PIGN: variants seen among roughly 807,000 people sequenced by gnomAD.
PIGN encodes GPI ethanolamine phosphate transferase 1.
PIGN carries 117 observed loss-of-function variants against 125.4 expected under a neutral mutation model. The ratio of observed to expected loss-of-function variants is 0.93; its 90% CI spans 0.80 to 1.09. The LOEUF is 1.09. PIGN is among the 50% of genes least tolerant of loss of function. PIGN has a pLI of 0.00. For missense variants in PIGN, 1,075 were observed against 1,094.9 expected (o/e 0.98, Z 0.26); for synonymous variants, 392 against 377.8 (o/e 1.04, Z -0.44).
rs540648761 is a variant in PIGN at position 62,175,647 on chromosome 18, C to T, written c.-236+11197G>A. On this transcript the variant is annotated intron_variant, in intron 1 of 30. Coordinates refer to ENST00000640252, the MANE Select transcript of PIGN (RefSeq NM_176787.5). ...GATTACAGGTGTAAGCCACCACACC[C>T]GGCCAAATGCATGTTTCTAATATGT... 3.3e-5 allele frequency among the ~76,000 whole-genome samples: 5 copies of T among 152,214 alleles called. No homozygotes were observed. In the East Asian group the frequency reaches 9.7e-4, roughly 29 times the overall value.
chr18:62,152,865 TA>T (rs201490014), intron 7 of PIGN, among the ~76,000 whole-genome samples: 13,313 of 70,634 alleles, frequency 0.19, 883 homozygotes, highest in East Asian at 0.37. Context: ...TATATATATA[TA>T]TATTTTTTTT....
At chr18:62,137,231 T>A (rs539154075) in intron 14 of PIGN, 83 of 402,806 alleles carry the variant, frequency 2.1e-4, no homozygotes, top group Non-Finnish European at 3.2e-4. Context: ...ATTCTTCAGC[T>A]TTTAGACTCT....
At chr18:62,184,166 T>G (rs1430721033) in intron 1 of PIGN, among the ~76,000 whole-genome samples, 1 of 152,190 alleles carries the variant, frequency 6.6e-6, no homozygotes, top group East Asian at 1.9e-4. Flanking sequence ...TACTAAAACC[T>G]CAAGTCAACC....
intron 25 of PIGN, among the ~76,000 whole-genome samples, chr18:62,086,678 T>C (rs2033723605): frequency 6.6e-6 from 1 of 150,516 alleles, no homozygotes; most frequent in South Asian, 2.1e-4. Flanking sequence ...GAGTAGCAAA[T>C]CTTTTAGGCT....
chr18:62,122,581 C>T (rs1005562955), intron 14 of PIGN, among the ~76,000 whole-genome samples: 1 of 151,888 alleles, frequency 6.6e-6, no homozygotes, highest in African/African-American at 2.4e-5. Context: ...ATTAACTTTC[C>T]CTAAGGAAAG....
At chr18:62,113,578 T>C (rs9959082) in intron 15 of PIGN, among the ~76,000 whole-genome samples, 1,523 of 152,250 alleles carry the variant, frequency 0.01, 20 homozygotes, top group East Asian at 0.049. Context: ...TATATGTGTG[T>C]TTGTGGAAAT....
At chr18:62,110,439 T>C (rs967523696) in intron 16 of PIGN, among the ~76,000 whole-genome samples, 10 of 152,162 alleles carry the variant, frequency 6.6e-5, no homozygotes, top group Admixed American at 3.9e-4. Flanking sequence ...GCCCACCCAA[T>C]AGAAACTTCA....
At chr18:62,157,294 C>A in intron 5 of PIGN, 67 bp from the exon 6 acceptor site, 1 of 763,766 alleles carries the variant, frequency 1.3e-6, no homozygotes. Flanking sequence ...AAGAACTATT[C>A]TTCAAATAAT....
chr18:62,061,640 T>C (rs2032148196), intron 30 of PIGN, among the ~76,000 whole-genome samples: 2 of 151,980 alleles, frequency 1.3e-5, no homozygotes, highest in Non-Finnish European at 1.5e-5. Context: ...CAAAGGAGTT[T>C]AGGAATAAAA....
chr18:62,151,630 C>T (rs1233842509), intron 7 of PIGN, among the ~76,000 whole-genome samples: 2 of 152,170 alleles, frequency 1.3e-5, no homozygotes, highest in Non-Finnish European at 2.9e-5. Flanking sequence ...TTAAACACTG[C>T]ACTTGACCTC....
chr18:62,165,309 A>G (rs1163930342), intron 1 of PIGN, among the ~76,000 whole-genome samples: 3 of 152,198 alleles, frequency 2.0e-5, no homozygotes, highest in Non-Finnish European at 2.9e-5. Flanking sequence ...TTAACTGCCT[A>G]GCCTGTAGAA....
intron 14 of PIGN, among the ~76,000 whole-genome samples, chr18:62,133,033 A>G (rs1433346844): frequency 2.6e-5 from 4 of 152,194 alleles, no homozygotes; most frequent in Non-Finnish European, 5.9e-5. Context: ...TACTTTGAGT[A>G]CCCACACAAT....
intron 14 of PIGN, among the ~76,000 whole-genome samples, chr18:62,133,349 T>C (rs554559646): frequency 1.3e-4 from 20 of 152,318 alleles, no homozygotes; most frequent in Admixed American, 1.3e-3. Context: ...TAAATCTATA[T>C]GTTTGGCCTG....
At chr18:62,176,982 T>G (rs1274884042) in intron 1 of PIGN, among the ~76,000 whole-genome samples, 1 of 151,110 alleles carries the variant, frequency 6.6e-6, no homozygotes, top group South Asian at 2.1e-4. Context: ...AAAAAAAAAT[T>G]GGAGTCTGAA....
At chr18:62,035,627 T>C (rs1445660210) in intron 23 of PIGN, among the ~76,000 whole-genome samples, 1 of 152,114 alleles carries the variant, frequency 6.6e-6, no homozygotes, top group Non-Finnish European at 1.5e-5. Flanking sequence ...GCTGCACCCA[T>C]TAACTCATCA....
chr18:62,076,716 T>C (rs55968632), intron 28 of PIGN, among the ~76,000 whole-genome samples: 15 of 152,160 alleles, frequency 9.9e-5, no homozygotes, highest in Non-Finnish European at 2.1e-4. Context: ...TAACCATAGG[T>C]TTGAAATAAA....
At chr18:62,074,867 AT>A in intron 28 of PIGN, 46 bp from the exon 29 acceptor site, 2 of 1,353,532 alleles carry the variant, frequency 1.5e-6, no homozygotes, top group South Asian at 1.2e-5. Context: ...CAACAGGTGC[AT>A]TTTTCAAGCT....
rs904958905 is a variant in PIGN at position 62,045,325 on chromosome 18, A to G, written c.*531T>C. 7 of 152,300 alleles carry G rather than the reference A, an allele frequency of 4.6e-5. No homozygotes were observed. Among genetic ancestry groups the G allele is most frequent in the African/African-American group, 1.7e-4 (7 of 41,446 alleles). 9.4% of individuals were successfully genotyped at this position (152,300 alleles called of 1,614,324 possible). On this transcript the variant is annotated 3_prime_UTR_variant, in exon 31 of 31. Transcript: ENST00000640252. ...GGATAAGATAGCATTATTGCATACTAAAGAAATATGACAAATACCTGCAAA... is the reference window on the plus strand; with the variant it reads ...GGATAAGATAGCATTATTGCATACTGAAGAAATATGACAAATACCTGCAAA...
At position 62,157,206 on chromosome 18, in the gene PIGN, T is replaced by C. The variant is rs1375582177; in HGVS notation, c.365A>G (p.Glu122Gly). 6.2e-7 allele frequency: 1 copy of C among 1,604,932 alleles called. No homozygotes were observed. Among genetic ancestry groups the C allele is most frequent in the Admixed American group, 1.7e-5 (1 of 59,564 alleles). ...ACTTTCATTAAAAAGAGAATCAAAC[T>C]CTACAGGATTTTCCTTCCATCCTTC... ...VAKGWKENPV[E>G]FDSLFNESKY... The change falls in exon 6 of 31, where the codon GAG (glutamate) becomes GGG (glycine). Residue 122 changes from glutamate to glycine, a missense_variant. Physicochemically the swap from Glu to Gly is moderately conservative, Grantham distance 98 (BLOSUM62 -2). Transcript: ENST00000640252.
Sources: allele counts gnomAD v4.1 joint callset (sites outside exome capture counted in the v4.1 genomes callset), GRCh38; gene constraint gnomAD v4.1.1; transcripts MANE v1.5; gene names NCBI Gene and HGNC (gene_info 2026-07-23, HGNC 2026-07-21).